ABCA13: variants seen among roughly 807,000 people sequenced by gnomAD.
ABCA13 encodes ATP binding cassette subfamily A member 13.
In ABCA13, 476 loss-of-function variants were observed where a neutral mutation model predicts 478.7. That is an observed-to-expected ratio of 0.99 (90% confidence interval 0.92 to 1.07). ABCA13 has a LOEUF of 1.07. ABCA13 is among the 50% of genes least tolerant of loss of function. The pLI is 0.00. For synonymous variants in ABCA13, 2,252 were observed against 2,158.9 expected (o/e 1.04, Z -1.20); for missense variants, 6,060 against 5,910.6 (o/e 1.03, Z -0.83).
intron 55 of ABCA13, among the ~76,000 whole-genome samples, chr7:48,563,298 G>A (rs1446107264): frequency 6.6e-6 from 1 of 152,018 alleles, no homozygotes; most frequent in East Asian, 1.9e-4. Context: ...AATAATAATT[G>A]GTCATTGTTT....
In ABCA13 at chr7:48,524,052, T is replaced by C. The variant is rs1470707162; in HGVS notation, c.14052-196T>C. ...CTTTTAGGAATGTATATATTTCATT[T>C]ATGTTAGACAATAAAAAATGGATTC... is the stretch of plus-strand genomic sequence containing the variant. On this transcript the variant is annotated intron_variant, in intron 53 of 61. Coordinates refer to ENST00000435803, the MANE Select transcript of ABCA13 (RefSeq NM_152701.5). Among the ~76,000 whole-genome samples, 16 of 152,342 alleles carry C rather than the reference T, an allele frequency of 1.1e-4. 1 individual carries two copies. Among genetic ancestry groups the C allele is most frequent in the African/African-American group, 3.8e-4 (16 of 41,582 alleles).
At position 48,615,335 on chromosome 7, in the gene ABCA13, G is replaced by A. The variant is rs779616160; in HGVS notation, c.14795G>A (p.Gly4932Asp). The part of the protein sequence containing the change: ...LCTRLAIMVN[G>D]SFKCLGSPQH... ...ACAAGACTGGCCATAATGGTTAACG[G>A]CAGCTTCAAATGTCTTGGTTCTCCT... The change falls in exon 59 of 62, where the codon GGC (glycine) becomes GAC (aspartate). Residue 4932 changes from glycine (G) to aspartate (D), a missense_variant. Physicochemically the swap from Gly to Asp is moderately conservative, Grantham distance 94 (BLOSUM62 -1). Coordinates refer to ENST00000435803, the MANE Select transcript of ABCA13 (RefSeq NM_152701.5). The A allele has an allele frequency of 3.2e-6, 5 of 1,580,900 alleles. No homozygotes were observed. The highest frequency in any genetic ancestry group is 1.8e-5 in the Admixed American group (1 of 55,528).
chr7:48,546,873 G>T (rs950321806), intron 55 of ABCA13, among the ~76,000 whole-genome samples: 1 of 151,562 alleles, frequency 6.6e-6, no homozygotes, highest in Non-Finnish European at 1.5e-5. Context: ...TCTTCCTTTA[G>T]ACTAATATGA....
intron 26 of ABCA13, among the ~76,000 whole-genome samples, chr7:48,315,063 G>A (rs979486609): frequency 6.6e-6 from 1 of 152,172 alleles, no homozygotes; most frequent in East Asian, 1.9e-4. Context: ...TCCATCAGTT[G>A]TGCATTTTTG....
At chr7:48,492,842 A>G (rs1023493755) in intron 48 of ABCA13, among the ~76,000 whole-genome samples, 1 of 152,104 alleles carries the variant, frequency 6.6e-6, no homozygotes, top group African/African-American at 2.4e-5. Context: ...CCTGGCCAAC[A>G]TGGTGAAACC....
intron 1 of ABCA13, among the ~76,000 whole-genome samples, chr7:48,187,906 T>G (rs911571469): frequency 2.6e-5 from 4 of 152,220 alleles, no homozygotes; most frequent in Non-Finnish European, 5.9e-5. Context: ...TTTCTTTTTC[T>G]TTTTCTGTTG....
intron 10 of ABCA13, 59 bp from the exon 11 acceptor site, chr7:48,244,517 C>T: frequency 2.6e-6 from 4 of 1,553,330 alleles, no homozygotes; most frequent in Non-Finnish European, 3.5e-6. Context: ...TTTTTATTTC[C>T]CTAATTGGCA....
intron 20 of ABCA13, among the ~76,000 whole-genome samples, chr7:48,293,199 C>CG (rs1562984006): frequency 2.9e-5 from 4 of 135,752 alleles, no homozygotes; most frequent in Admixed American, 7.2e-5. Context: ...TCAGCCCCCC[C>CG]CCCGCCACAC....
chr7:48,410,977 C>CTCTTTCTTTCTTTCTTTCTTTCTTTCTT (rs551665857), intron 40 of ABCA13, among the ~76,000 whole-genome samples: 2 of 104,642 alleles, frequency 1.9e-5, no homozygotes, highest in African/African-American at 3.6e-5. Flanking sequence ...AAATTCTTTT[C>CTCTTTCTTTCTTTCTTTCTTTCTTTCTT]TCTTTCTTTC....
chr7:48,433,022 G>A (rs995777132), intron 42 of ABCA13, among the ~76,000 whole-genome samples: 6 of 151,782 alleles, frequency 4.0e-5, no homozygotes, highest in South Asian at 2.1e-4. Context: ...CGGTTTAGCC[G>A]CTTCACAAGG....
chr7:48,391,882 C>T, intron 37 of ABCA13, 39 bp from the exon 38 acceptor site: 1 of 1,581,748 alleles, frequency 6.3e-7, no homozygotes, highest in Non-Finnish European at 8.6e-7. Flanking sequence ...ACAGTATCAG[C>T]AACGCGTATT....
At chr7:48,326,010 C>A (rs563996246) in intron 27 of ABCA13, among the ~76,000 whole-genome samples, 83 of 152,334 alleles carry the variant, frequency 5.4e-4, no homozygotes, top group African/African-American at 1.9e-3. Context: ...CTGAGGAAGT[C>A]ATCTAGGTGG....
At chr7:48,527,500 G>T (rs907253105) in intron 54 of ABCA13, among the ~76,000 whole-genome samples, 29 of 152,152 alleles carry the variant, frequency 1.9e-4, no homozygotes, top group African/African-American at 6.8e-4. Context: ...TGTCACCAAG[G>T]TGGACTCTCA....
intron 55 of ABCA13, among the ~76,000 whole-genome samples, chr7:48,529,464 A>G (rs1191351230): frequency 6.6e-6 from 1 of 152,138 alleles, no homozygotes; most frequent in African/African-American, 2.4e-5. Flanking sequence ...TGGGTAGTCA[A>G]ATTCATAGCT....
chr7:48,290,223 C>T (rs573123478), intron 20 of ABCA13, among the ~76,000 whole-genome samples: 1 of 152,280 alleles, frequency 6.6e-6, no homozygotes, highest in Admixed American at 6.5e-5. Context: ...ACAGCAAGTG[C>T]CCACTGTATT....
At chr7:48,404,743 A>C (rs1251937247) in intron 39 of ABCA13, 1 of 152,350 alleles carries the variant, frequency 6.6e-6, no homozygotes. Flanking sequence ...ATCAAATTCT[A>C]TCTTTGGAGT....
At chr7:48,197,735 C>T (rs1257281288) in intron 2 of ABCA13, among the ~76,000 whole-genome samples, 1 of 151,884 alleles carries the variant, frequency 6.6e-6, no homozygotes, top group South Asian at 2.1e-4. Flanking sequence ...TCTGAAAAGT[C>T]CTATTCAGTG....
chr7:48,512,361 C>T lies in ABCA13; in HGVS notation c.13640+1162C>T, dbSNP rs554709661. ...AAAATTCCCATTAAATTAATTTTAG[C>T]CATTATTGTTACTCTTTAGAATTAT... On this transcript the variant is annotated intron_variant, in intron 51 of 61. Coordinates refer to ENST00000435803, the MANE Select transcript of ABCA13 (RefSeq NM_152701.5). Among the ~76,000 whole-genome samples the T allele has an allele frequency of 2.4e-4, 37 of 152,120 alleles. No individual in the cohort carries two copies. The South Asian group carries it at 5.0e-3, about 20-fold the overall frequency.
At chr7:48,480,970 A>T in intron 45 of ABCA13, 66 bp from the exon 46 acceptor site, 1 of 979,780 alleles carries the variant, frequency 1.0e-6, no homozygotes, top group Non-Finnish European at 1.6e-6. Flanking sequence ...AGTTTCAAGT[A>T]ATGTCAGTGA....
Sources: allele counts gnomAD v4.1 joint callset (sites outside exome capture counted in the v4.1 genomes callset), GRCh38; gene constraint gnomAD v4.1.1; transcripts MANE v1.5; gene names NCBI Gene and HGNC (gene_info 2026-07-23, HGNC 2026-07-21).